The following SORBS2 variants were observed in gnomAD, a reference collection of about 807,000 sequenced individuals.
SORBS2 encodes the protein sorbin and SH3 domain containing 2, also known as sorbin and SH3 domain-containing protein 2.
Under a neutral mutation model 97.7 loss-of-function variants are expected in SORBS2, and 46 were observed. The ratio of observed to expected loss-of-function variants is 0.47; its 90% CI spans 0.37 to 0.60. The LOEUF (loss-of-function observed/expected upper bound fraction) is 0.60, where lower values mean the gene tolerates loss of function less well. Ranked by LOEUF, SORBS2 falls within the 20% of genes least tolerant of loss-of-function variation. The pLI, the probability that SORBS2 is intolerant of heterozygous loss-of-function variation, is 0.00. For synonymous variants in SORBS2, 476 were observed against 473.4 expected, an observed-to-expected ratio of 1.01 and a Z score of -0.07; for missense variants, 1,316 against 1,282.3, an observed-to-expected ratio of 1.03 and a Z score of -0.40.
At chr4:185,735,858 A>T (rs1443169945) in intron 2 of SORBS2, among the ~76,000 whole-genome samples, 1 of 152,156 alleles carries the variant, frequency 6.6e-6, no homozygotes, top group Non-Finnish European at 1.5e-5. Context: ...AAAAATCTTT[A>T]AATTTTATTT....
chr4:185,891,234 A>G (rs2099242349), intron 1 of SORBS2, among the ~76,000 whole-genome samples: 1 of 152,242 alleles, frequency 6.6e-6, no homozygotes, highest in Non-Finnish European at 1.5e-5. Flanking sequence ...AGCCATCATA[A>G]TGAAATCACC....
At chr4:185,617,452 C>T (rs781305182) in intron 9 of SORBS2, among the ~76,000 whole-genome samples, 3 of 152,092 alleles carry the variant, frequency 2.0e-5, no homozygotes, top group African/African-American at 7.2e-5. Context: ...TTATATATGT[C>T]TTCTGCCAGA....
chr4:185,785,459 AACAG>A (rs375708913), intron 1 of SORBS2, among the ~76,000 whole-genome samples: 49 of 152,346 alleles, frequency 3.2e-4, no homozygotes, highest in African/African-American at 7.2e-4. Context: ...TCCGTTTTAT[AACAG>A]ACAGTCTCGT....
intron 1 of SORBS2, among the ~76,000 whole-genome samples, chr4:185,951,126 T>C (rs915365062): frequency 2.6e-5 from 4 of 152,202 alleles, no homozygotes; most frequent in Admixed American, 2.0e-4. Flanking sequence ...TTGTTTTTCA[T>C]TGCCTGCCTT....
At chr4:185,888,320 G>A (rs1380504429) in intron 1 of SORBS2, among the ~76,000 whole-genome samples, 1 of 152,104 alleles carries the variant, frequency 6.6e-6, no homozygotes, top group African/African-American at 2.4e-5. Flanking sequence ...TAGAAACGAG[G>A]GGTGGTGGGG....
At chr4:185,790,809 C>T (rs930755163) in intron 1 of SORBS2, among the ~76,000 whole-genome samples, 1 of 152,084 alleles carries the variant, frequency 6.6e-6, no homozygotes, top group Non-Finnish European at 1.5e-5. Flanking sequence ...TTCAAGATTC[C>T]CTGATCACAT....
At chr4:185,930,680 T>C (rs975545839) in intron 1 of SORBS2, among the ~76,000 whole-genome samples, 1 of 152,216 alleles carries the variant, frequency 6.6e-6, no homozygotes, top group African/African-American at 2.4e-5. Context: ...ATCACTATCT[T>C]ATGTTATTCT....
At position 185,606,929 on chromosome 4, in the gene SORBS2, T is replaced by G. The variant is rs1020382636; in HGVS notation, c.2796+4851A>C. On this transcript the variant is annotated intron_variant, in intron 12 of 14. Coordinates refer to ENST00000418609, the Ensembl canonical transcript of SORBS2. The surrounding 1 kb of genome is among the most constrained non-coding windows in gnomAD (Gnocchi z 4.3). The stretch of plus-strand genomic sequence containing the variant: ...GCCTTTTTAGGGTCTGAGAAGCCCC[T>G]TCTCATTTTTCTCAACTCTGCAAAG... 5.0e-6 allele frequency: 5 copies of G among 990,792 alleles called. No individual in the cohort carries two copies. The African/African-American group carries it at 8.7e-5, about 17-fold the overall frequency. 61.4% of individuals were successfully genotyped at this position (990,792 alleles called of 1,614,324 possible). A position where few individuals can be genotyped will look rare whatever the true frequency, so the allele number is the denominator to read the frequency against.
intron 1 of SORBS2, among the ~76,000 whole-genome samples, chr4:185,933,816 G>A (rs1233092879): frequency 6.6e-6 from 1 of 152,146 alleles, no homozygotes; most frequent in African/African-American, 2.4e-5. Context: ...GAATTGGAAA[G>A]GAAACAGAAT....
chr4:185,909,607 ATTG>A (rs2099253718), intron 1 of SORBS2, among the ~76,000 whole-genome samples: 1 of 152,222 alleles, frequency 6.6e-6, no homozygotes, highest in African/African-American at 2.4e-5. Context: ...TCTTTCAAGC[ATTG>A]CTTTATCATC....
chr4:185,624,903 G>A (rs1051148751), intron 6 of SORBS2, among the ~76,000 whole-genome samples: 2 of 152,144 alleles, frequency 1.3e-5, no homozygotes, highest in African/African-American at 4.8e-5. Flanking sequence ...ATACCCTTAC[G>A]CAATTTAATA....
chr4:185,807,703 C>G (rs527845891), intron 1 of SORBS2, among the ~76,000 whole-genome samples: 1 of 152,318 alleles, frequency 6.6e-6, no homozygotes, highest in Non-Finnish European at 1.5e-5. Flanking sequence ...ATGTCCATGT[C>G]TTGAGTTTTT....
At chr4:185,801,028 C>A (rs1221093960) in intron 1 of SORBS2, among the ~76,000 whole-genome samples, 3 of 152,180 alleles carry the variant, frequency 2.0e-5, no homozygotes, top group African/African-American at 7.2e-5. Context: ...AGTCTGTGCC[C>A]TTTGACCTCA....
At chr4:185,744,592 C>G (rs1457346507) in intron 2 of SORBS2, among the ~76,000 whole-genome samples, 1 of 152,228 alleles carries the variant, frequency 6.6e-6, no homozygotes, top group Non-Finnish European at 1.5e-5. Flanking sequence ...ACCATGCAGG[C>G]AGGTGGTGGC....
chr4:185,596,828 C>G (rs374663878), intron 12 of SORBS2, among the ~76,000 whole-genome samples: 1 of 152,074 alleles, frequency 6.6e-6, no homozygotes, highest in Admixed American at 6.5e-5. Flanking sequence ...TCACTGCGCC[C>G]GGCCCCCGTC....
chr4:185,779,830 G>A (rs2099018619), intron 1 of SORBS2, among the ~76,000 whole-genome samples: 1 of 152,102 alleles, frequency 6.6e-6, no homozygotes, highest in Non-Finnish European at 1.5e-5. Flanking sequence ...TGCTTAGGGC[G>A]AGGCAGCAAG....
chr4:185,702,173 A>C lies in SORBS2; in HGVS notation c.-197-23351T>G, dbSNP rs78412414. On this transcript the variant is annotated intron_variant, in intron 2 of 20. Coordinates refer to the SORBS2 transcript ENST00000284776. ...AGGAATACCTGAGGCTGGGTAATCT[A>C]TACAGAAAAGAGGGTTATTTGGCTC... Among the ~76,000 whole-genome samples, 1,141 of 152,310 alleles carry C rather than the reference A, an allele frequency of 7.5e-3. 14 individuals carry two copies. The highest frequency in any genetic ancestry group is 0.026 in the African/African-American group (1,088 of 41,576).
At chr4:185,926,083 A>T (rs947119731) in intron 1 of SORBS2, among the ~76,000 whole-genome samples, 3 of 151,964 alleles carry the variant, frequency 2.0e-5, no homozygotes, top group Non-Finnish European at 4.4e-5. Flanking sequence ...AGTAAGCTGA[A>T]ACAGAGCTGG....
Position 185,746,629 on chromosome 4 carries a change from G to A in SORBS2, c.-198+28598C>T, listed in dbSNP as rs530284177. 1.3e-4 allele frequency among the ~76,000 whole-genome samples: 20 copies of A among 152,264 alleles called. 1 individual carries two copies. In the East Asian group the frequency reaches 3.9e-3, roughly 29 times the overall value. On this transcript the variant is annotated intron_variant, in intron 2 of 20. Transcript: ENST00000284776. ...CACCGCGCCCGGCCTTATCTGGTTAGAGTTTCTTAGGTGGGAATGGAGTTA... is the reference window on the plus strand; with the variant it reads ...CACCGCGCCCGGCCTTATCTGGTTAAAGTTTCTTAGGTGGGAATGGAGTTA...
Sources: allele counts gnomAD v4.1 joint callset (sites outside exome capture counted in the v4.1 genomes callset), GRCh38; gene constraint gnomAD v4.1.1; non-coding constraint Gnocchi (gnomAD v3.1); transcripts MANE v1.5; gene names NCBI Gene and HGNC (gene_info 2026-07-23, HGNC 2026-07-21).